Variants in ATP11C observed in about 807,000 individuals in gnomAD.
The protein encoded by ATP11C is phospholipid-transporting ATPase IG.
A neutral mutation model predicts 97.4 loss-of-function variants in ATP11C; 36 were observed. The ratio of observed to expected loss-of-function variants is 0.37; its 90% CI spans 0.28 to 0.49. The LOEUF (loss-of-function observed/expected upper bound fraction) is 0.49. Ranked by LOEUF, ATP11C falls within the 20% of genes least tolerant of loss-of-function variation. ATP11C has a pLI of 0.98. For synonymous variants in ATP11C, 275 were observed against 290.9 expected, an observed-to-expected ratio of 0.95 and a Z score of 0.56; for missense variants, 730 against 824.6, an observed-to-expected ratio of 0.89 and a Z score of 1.40.
intron 1 of ATP11C, among the ~76,000 whole-genome samples, chrX:139,880,999 A>G (rs1438348641): frequency 8.9e-6 from 1 of 111,993 alleles, no homozygotes; most frequent in Non-Finnish European, 1.9e-5. Context: ...GCTATGGCCC[A>G]TAATTTAACA....
intron 2 of ATP11C, among the ~76,000 whole-genome samples, chrX:139,825,424 G>C (rs899618132): frequency 3.6e-5 from 4 of 111,764 alleles, no homozygotes; most frequent in African/African-American, 1.3e-4. Context: ...ACCACAAGGT[G>C]AGCTGAAATT....
intron 1 of ATP11C, among the ~76,000 whole-genome samples, chrX:139,861,065 G>A (rs1446696264): frequency 2.7e-5 from 3 of 112,022 alleles, no homozygotes; most frequent in African/African-American, 9.7e-5. Flanking sequence ...AGAAGTAGGA[G>A]AGGAGAAATA....
upstream of ATP11C, among the ~76,000 whole-genome samples, chrX:139,933,379 G>C (rs2085478528): frequency 8.9e-6 from 1 of 112,073 alleles, no homozygotes; most frequent in East Asian, 2.8e-4. Flanking sequence ...CGAATCCTGG[G>C]AGCTTTCCCT....
intron 19 of ATP11C, 74 bp from the exon 20 acceptor site, chrX:139,768,508 C>G: frequency 1.3e-6 from 1 of 789,827 alleles, no homozygotes; most frequent in Non-Finnish European, 1.7e-6. Flanking sequence ...TTTTTTTAAA[C>G]AACAAAGGGG....
chrX:139,750,869 A>G (rs762009000), intron 23 of ATP11C, among the ~76,000 whole-genome samples: 1 of 111,669 alleles, frequency 9.0e-6, no homozygotes, highest in East Asian at 2.8e-4. Flanking sequence ...TGATATTATA[A>G]ATCTTCCTTT....
intron 1 of ATP11C, among the ~76,000 whole-genome samples, chrX:139,844,459 G>A (rs1212320788): frequency 2.7e-5 from 3 of 111,625 alleles, no homozygotes; most frequent in East Asian, 5.6e-4. Context: ...CGAGTAAGAA[G>A]AAAGCACATA....
chrX:139,833,132 A>G (rs1451887221), intron 1 of ATP11C, among the ~76,000 whole-genome samples: 1 of 112,165 alleles, frequency 8.9e-6, no homozygotes, highest in East Asian at 2.8e-4. Context: ...TATAAAAGTG[A>G]TGTTTCCTAG....
intron 2 of ATP11C, among the ~76,000 whole-genome samples, chrX:139,824,073 T>A (rs531711180): frequency 9.6e-6 from 1 of 104,335 alleles, no homozygotes; most frequent in South Asian, 4.5e-4. Context: ...GGCCAGGAGT[T>A]TGTGACCAGC....
Position 139,782,610 on chromosome X carries a change from T to C in ATP11C, c.1889A>G (p.Glu630Gly). 8.3e-7 allele frequency: 1 copy of C among 1,207,192 alleles called. No individual in the cohort carries two copies. Among genetic ancestry groups the C allele is most frequent in the Non-Finnish European group, 1.1e-6 (1 of 892,352 alleles). ...TGTCTCAATATCATCGAAAACTTTT[T>C]CCATTTTTTCTTCTCTGTCTTGTAA... ...MALQDREEKM[E>G]KVFDDIETNM... The change falls in exon 18 of 30, where the codon GAA becomes GGA. Residue 630 changes from glutamate (E) to glycine (G), a missense_variant. Physicochemically the swap from Glu to Gly is moderately conservative, Grantham distance 98 (BLOSUM62 -2). Coordinates refer to ENST00000682941, the MANE Select transcript of ATP11C (RefSeq NM_001353812.2).
intron 7 of ATP11C, 82 bp from the exon 8 acceptor site, chrX:139,800,192 T>C (rs1406938732): frequency 3.0e-6 from 2 of 670,704 alleles, no homozygotes; most frequent in Non-Finnish European, 4.7e-6. Context: ...TGAATGAAAA[T>C]ACAAATAATA....
At chrX:139,873,753 A>C (rs1031903191) in intron 1 of ATP11C, among the ~76,000 whole-genome samples, 26 of 104,221 alleles carry the variant, frequency 2.5e-4, no homozygotes, top group Non-Finnish European at 4.2e-4. Flanking sequence ...ATTTCGTTAC[A>C]TGTATGTTAC....
At chrX:139,745,356 C>T (rs2081658326) in intron 25 of ATP11C, among the ~76,000 whole-genome samples, 1 of 111,599 alleles carries the variant, frequency 9.0e-6, no homozygotes, top group East Asian at 2.8e-4. Context: ...CAGCTCCAAG[C>T]ATGGAAGGCC....
rs748161377 is a variant in ATP11C, at chrX:139,876,331, T to TA, written c.28-49509dup. Among the ~76,000 whole-genome samples the TA allele has an allele frequency of 2.6e-4, 29 of 112,358 alleles. No individual in the cohort carries two copies. In the East Asian group the frequency reaches 7.5e-3, roughly 29 times the overall value. On this transcript the variant is annotated intron_variant, in intron 1 of 29. Transcript: ENST00000682941. Reference sequence around the variant, plus strand: ...GATCCTAGAGAAAAATCACTATCTCTAGAAGCACCCTCCCAGCCACACAGA... The same window carrying TA: ...GATCCTAGAGAAAAATCACTATCTCTAAGAAGCACCCTCCCAGCCACACAGA...
intron 11 of ATP11C, 135 bp from the exon 12 acceptor site, chrX:139,796,605 A>G: frequency 2.2e-6 from 1 of 453,200 alleles, no homozygotes; most frequent in East Asian, 3.8e-5. Context: ...GAACTTCCTA[A>G]TAACACTACA....
At chrX:139,795,601 A>G (rs2082777191) in intron 12 of ATP11C, among the ~76,000 whole-genome samples, 1 of 112,000 alleles carries the variant, frequency 8.9e-6, no homozygotes, top group Admixed American at 9.5e-5. Flanking sequence ...AAATAAAAAA[A>G]AGGGGAAAAC....
chrX:139,732,812 G>A (rs2081374331), intron 28 of ATP11C, among the ~76,000 whole-genome samples: 1 of 110,972 alleles, frequency 9.0e-6, no homozygotes, highest in Admixed American at 9.6e-5. Flanking sequence ...AAATAAAATA[G>A]CTTTAAAATA....
At chrX:139,934,552 C>CTTT (rs760781660), upstream of ATP11C, among the ~76,000 whole-genome samples, 9 of 93,714 alleles carry the variant, frequency 9.6e-5, no homozygotes, top group Non-Finnish European at 1.3e-4. Flanking sequence ...CTAGCTTTAC[C>CTTT]TTTTTTTTTT....
intron 20 of ATP11C, among the ~76,000 whole-genome samples, chrX:139,766,392 G>C (rs1225310406): frequency 8.9e-6 from 1 of 112,000 alleles, no homozygotes; most frequent in Non-Finnish European, 1.9e-5. Flanking sequence ...AGGAAAAAAA[G>C]AGATCGCTTT....
intron 12 of ATP11C, 68 bp from the exon 13 acceptor site, chrX:139,789,556 G>T (rs375258319): frequency 1.2e-5 from 11 of 899,668 alleles, no homozygotes; most frequent in African/African-American, 4.0e-5. Flanking sequence ...TTGCTGTAAC[G>T]CAAAGCTATT....
Sources: gnomAD v4.1 joint callset for allele counts (sites outside exome capture counted in the v4.1 genomes callset) on GRCh38, gnomAD v4.1.1 for gene constraint, MANE v1.5 for transcripts, NCBI Gene and HGNC (gene_info 2026-07-23, HGNC 2026-07-21) for gene names.